SVEP1: variants seen among roughly 807,000 people sequenced by gnomAD.
The protein encoded by SVEP1 is sushi, von Willebrand factor type A, EGF and pentraxin domain containing 1, also known as sushi, von Willebrand factor type A, EGF and pentraxin domain-containing protein 1.
A neutral mutation model predicts 367.3 loss-of-function variants in SVEP1; 164 were observed. The ratio of observed to expected loss-of-function variants is 0.45; its 90% confidence interval spans 0.39 to 0.51. SVEP1 has a LOEUF of 0.51. Among genes scored for constraint, SVEP1 ranks in the 20% least tolerant of loss-of-function variants. The probability of loss-of-function intolerance (pLI) is 0.00; values close to 1 mark genes in which losing one functional copy is unlikely to be tolerated. For missense variants in SVEP1, 4,117 were observed against 4,425.3 expected (o/e 0.93, Z 1.98); for synonymous variants, 1,666 against 1,611.6 (o/e 1.03, Z -0.81).
chr9:110,566,425 G>A (rs2118877098), intron 1 of SVEP1, among the ~76,000 whole-genome samples: 1 of 152,140 alleles, frequency 6.6e-6, no homozygotes, highest in East Asian at 1.9e-4. Context: ...ATTCATATGG[G>A]TAAAGTGCTT....
At chr9:110,545,100 C>A (rs1235756649) in intron 3 of SVEP1, among the ~76,000 whole-genome samples, 1 of 152,166 alleles carries the variant, frequency 6.6e-6, no homozygotes, top group Non-Finnish European at 1.5e-5. Flanking sequence ...GGATTTCATT[C>A]TTTTTTTATG....
chr9:110,389,467 C>A, intron 41 of SVEP1, 57 bp downstream of exon 41: 1 of 1,589,824 alleles, frequency 6.3e-7, no homozygotes, highest in Non-Finnish European at 8.6e-7. Flanking sequence ...TGTAGCCACA[C>A]TGTTATTTTG....
chr9:110,427,391 T>A (rs916907429), intron 36 of SVEP1, among the ~76,000 whole-genome samples, 200 bp downstream of exon 36: 1 of 151,886 alleles, frequency 6.6e-6, no homozygotes. Flanking sequence ...TAATTTGATA[T>A]ACTACTCAAA....
At chr9:110,411,927 G>C (rs1056315022) in intron 36 of SVEP1, among the ~76,000 whole-genome samples, 192 bp from the exon 37 acceptor site, 1 of 151,848 alleles carries the variant, frequency 6.6e-6, no homozygotes, top group East Asian at 1.9e-4. Context: ...TTGTGATATT[G>C]TTTGTTCAGA....
chr9:110,563,003 GA>G, intron 1 of SVEP1, among the ~76,000 whole-genome samples: 1 of 152,244 alleles, frequency 6.6e-6, no homozygotes, highest in East Asian at 1.9e-4. Flanking sequence ...AACAAGGCAA[GA>G]AATATAAATA....
chr9:110,556,484 T>C (rs1189889007), intron 1 of SVEP1, among the ~76,000 whole-genome samples: 1 of 152,164 alleles, frequency 6.6e-6, no homozygotes, highest in Non-Finnish European at 1.5e-5. Context: ...ATAAAGTCTT[T>C]TTTTGTTGTT....
At position 110,579,461 on chromosome 9, in the gene SVEP1, C is replaced by T. The variant is rs868526539; in HGVS notation, c.83G>A (p.Arg28His). The T allele has an allele frequency of 6.2e-7, 1 of 1,601,100 alleles. No homozygotes were observed. The highest frequency in any genetic ancestry group is 1.1e-5 in the South Asian group (1 of 89,076). ...WATFQQMSPS[R>H]NFSFRLFPET... ...GGGGAAGAGGCGGAAGCTGAAATTG[C>T]GCGACGGGGACATCTGCTGAAAGGT... Residue 28 changes from arginine (R) to histidine (H), a missense_variant, in exon 1 of 48, where the codon CGC becomes CAC. By Grantham distance (29) the Arg-to-His change is conservative. Coordinates refer to ENST00000374469, the MANE Select transcript of SVEP1 (RefSeq NM_153366.4). The surrounding 1 kb of genome is among the most constrained non-coding windows in gnomAD (Gnocchi z 5.3).
At chr9:110,442,303 A>G (rs997788904) in intron 27 of SVEP1, among the ~76,000 whole-genome samples, 1 of 152,150 alleles carries the variant, frequency 6.6e-6, no homozygotes, top group Non-Finnish European at 1.5e-5. Flanking sequence ...TTTGCCCACC[A>G]TTGGGTTTCC....
rs1469000450 is a variant in SVEP1, at chr9:110,390,274, C to A, written c.9823-687G>T. ...ACTTATATAAGTATGTATATATATACTTATATATATACATACTTATATATA... is the reference window on the plus strand; with the variant it reads ...ACTTATATAAGTATGTATATATATAATTATATATATACATACTTATATATA... On this transcript the variant is annotated intron_variant, in intron 40 of 47. Coordinates refer to ENST00000374469, the MANE Select transcript of SVEP1 (RefSeq NM_153366.4). 8.8e-5 allele frequency among the ~76,000 whole-genome samples: 8 copies of A among 90,630 alleles called. 1 individual carries two copies. Among genetic ancestry groups the A allele is most frequent in the East Asian group, 3.0e-4 (1 of 3,362 alleles). The allele number at this position is 90,630 out of a possible 152,430, so 59.5% of individuals were successfully genotyped here.
At chr9:110,395,593 A>G (rs890400416) in intron 40 of SVEP1, among the ~76,000 whole-genome samples, 137 of 152,114 alleles carry the variant, frequency 9.0e-4, no homozygotes, top group African/African-American at 3.1e-3. Flanking sequence ...TCAGTGTGCT[A>G]TATTCAGGAA....
Position 110,483,624 on chromosome 9 carries a change from G to A in SVEP1, c.2000C>T (p.Ala667Val). Residue 667 changes from alanine to valine, a missense_variant, in exon 10 of 48, where the codon GCC becomes GTC. This residue lies in a region of SVEP1 where 2,174 missense variants were observed against 2,494.3 expected (regional missense o/e 0.87). Transcript: ENST00000374469. The stretch of plus-strand genomic sequence containing the variant: ...GAACTGAGGCTCATCCCAGCTTGCG[G>A]CATGTACCTTCTCCGAGACCTGGAC... ...PPVQVSEKVH[A>V]ASWDEPQFSD... The A allele has an allele frequency of 4.3e-6, 7 of 1,612,684 alleles. 1 individual carries two copies. The highest frequency in any genetic ancestry group is 5.9e-6 in the Non-Finnish European group (7 of 1,179,304).
At chr9:110,403,758 G>C (rs567428114) in intron 39 of SVEP1, among the ~76,000 whole-genome samples, 1 of 151,956 alleles carries the variant, frequency 6.6e-6, no homozygotes, top group East Asian at 1.9e-4. Context: ...TATGTTTCTA[G>C]ATTTAGTGGA....
At chr9:110,559,484 A>C in intron 1 of SVEP1, among the ~76,000 whole-genome samples, 1 of 152,176 alleles carries the variant, frequency 6.6e-6, no homozygotes, top group East Asian at 1.9e-4. Context: ...TAACTTCATT[A>C]ATACCAAAAT....
intron 35 of SVEP1, among the ~76,000 whole-genome samples, chr9:110,428,417 C>CACACACACACAA (rs1554714259): frequency 3.5e-5 from 2 of 57,084 alleles, no homozygotes; most frequent in South Asian, 5.5e-4. Flanking sequence ...CACACACACA[C>CACACACACACAA]ACACACACAC....
At chr9:110,518,714 G>C (rs1463075965) in intron 3 of SVEP1, among the ~76,000 whole-genome samples, 1 of 151,978 alleles carries the variant, frequency 6.6e-6, no homozygotes, top group African/African-American at 2.4e-5. Flanking sequence ...TATGTTCTTT[G>C]GTTCTTATTC....
chr9:110,519,649 A>T (rs561581653), intron 3 of SVEP1, among the ~76,000 whole-genome samples: 1 of 152,326 alleles, frequency 6.6e-6, no homozygotes, highest in East Asian at 1.9e-4. Flanking sequence ...GCCATTGTCC[A>T]GCCAATTGCC....
chr9:110,377,999 G>A (rs949392346), intron 44 of SVEP1, among the ~76,000 whole-genome samples: 4 of 152,156 alleles, frequency 2.6e-5, no homozygotes, highest in African/African-American at 9.7e-5. Flanking sequence ...ATTTCATGTA[G>A]CATGATGTCC....
intron 5 of SVEP1, among the ~76,000 whole-genome samples, chr9:110,503,808 G>A (rs1480848116): frequency 6.6e-6 from 1 of 152,120 alleles, no homozygotes; most frequent in East Asian, 1.9e-4. Flanking sequence ...CATAGCTCAT[G>A]ATACGAATCT....
intron 1 of SVEP1, among the ~76,000 whole-genome samples, chr9:110,575,051 A>T (rs1830610754): frequency 6.6e-6 from 1 of 152,160 alleles, no homozygotes; most frequent in East Asian, 1.9e-4. Context: ...GGCCGAGTCC[A>T]GCTGACCTTC....
Sources: gnomAD v4.1 joint callset for allele counts (sites outside exome capture counted in the v4.1 genomes callset) on GRCh38, gnomAD v4.1.1 for gene constraint, gnomAD v4.1.1 regional missense constraint, Gnocchi (gnomAD v3.1) non-coding constraint, MANE v1.5 for transcripts, NCBI Gene and HGNC (gene_info 2026-07-23, HGNC 2026-07-21) for gene names.